Variants in ZXDC observed in about 807,000 individuals in gnomAD.
ZXDC encodes the protein zinc finger protein ZXDC.
In ZXDC, 58 loss-of-function variants were observed where a neutral mutation model predicts 63.6. That is an observed-to-expected ratio of 0.91 (90% CI 0.74 to 1.13). ZXDC has a LOEUF of 1.13. ZXDC is among the 50% of genes most tolerant of loss of function. The probability of loss-of-function intolerance (pLI) is 0.00; values close to 1 mark genes in which losing one functional copy is unlikely to be tolerated. For synonymous variants in ZXDC, 561 were observed against 496.1 expected (o/e 1.13, Z -1.74); for missense variants, 1,133 against 1,148.9 (o/e 0.99, Z 0.20).
At chr3:126,458,857 C>G (rs1934410608) in intron 7 of ZXDC, 3 of 985,300 alleles carry the variant, frequency 3.0e-6, no homozygotes, top group Admixed American at 6.1e-5. Flanking sequence ...ACAATTCACA[C>G]TGATGCATAC....
Position 126,438,426 on chromosome 3 carries a change from CG to C in ZXDC, c.2525del (p.Pro842ArgfsTer31). 6.2e-7 allele frequency: 1 copy of C among 1,613,910 alleles called. No individual in the cohort carries two copies. The highest frequency in any genetic ancestry group is 8.5e-7 in the Non-Finnish European group (1 of 1,179,948). Reference sequence around the variant, plus strand: ...TGCTTCCTGGGAACTGGGTGGCCTCCGGTCCAGCAGGGCCTCCAGATGAGGG... The same window carrying C: ...TGCTTCCTGGGAACTGGGTGGCCTCCGTCCAGCAGGGCCTCCAGATGAGGG... The part of the protein sequence containing the change: ...VLPSSGGPAG[P>X]EATQFPGSTI... On this transcript the variant is annotated frameshift_variant, in exon 10 of 10. Coordinates refer to ENST00000389709, the MANE Select transcript of ZXDC (RefSeq NM_025112.5). LOFTEE classifies it low-confidence loss of function (END_TRUNC).
rs150889687 is a variant in ZXDC, at chr3:126,470,784, T to A, written c.1270+111A>T. ...AGTAAACATAATGCTGCAACTTATA[T>A]TGAGTCAGTCTTTAAGCAGCTAACA... On this transcript the variant is annotated intron_variant, in intron 4 of 9. Coordinates refer to ENST00000389709, the MANE Select transcript of ZXDC (RefSeq NM_025112.5). The A allele has an allele frequency of 1.0e-5, 15 of 1,450,404 alleles. No individual in the cohort carries two copies. The African/African-American group carries it at 1.7e-4, about 16-fold the overall frequency. 89.8% of individuals were successfully genotyped at this position (1,450,404 alleles called of 1,614,324 possible).
chr3:126,471,157 A>G (rs1934966117), intron 3 of ZXDC, 132 bp from the exon 4 acceptor site: 3 of 1,304,968 alleles, frequency 2.3e-6, no homozygotes, highest in Non-Finnish European at 3.1e-6. Context: ...GAAAATCTTA[A>G]TTCTGTCTTT....
intron 7 of ZXDC, chr3:126,453,230 T>C: frequency 1.0e-6 from 1 of 985,330 alleles, no homozygotes; most frequent in Admixed American, 6.1e-5. Flanking sequence ...ACATGATATC[T>C]GTTTATCTCT....
chr3:126,454,656 TTC>T, intron 7 of ZXDC: 1 of 985,454 alleles, frequency 1.0e-6, no homozygotes, highest in South Asian at 4.7e-5. Flanking sequence ...ACCCTTGGTT[TTC>T]TGTCACAATG....
At chr3:126,440,351 G>A (rs1933630229) in intron 8 of ZXDC, 2 of 986,506 alleles carry the variant, frequency 2.0e-6, no homozygotes, top group South Asian at 4.7e-5. Flanking sequence ...TGTTTGAGAA[G>A]CTCCTGTGTG....
At chr3:126,439,836 C>T (rs1933611613) in intron 8 of ZXDC, 109 bp from the exon 9 acceptor site, 1 of 1,459,216 alleles carries the variant, frequency 6.9e-7, no homozygotes, top group Admixed American at 2.5e-5. Flanking sequence ...AGAACCAGCC[C>T]ACCCCCTGTA....
intron 1 of ZXDC, among the ~76,000 whole-genome samples, chr3:126,473,488 A>G (rs1935053711): frequency 6.6e-6 from 1 of 152,180 alleles, no homozygotes; most frequent in South Asian, 2.1e-4. Context: ...AAAACCCTCA[A>G]GAGACCTCAT....
At chr3:126,461,429 T>C in intron 6 of ZXDC, 106 bp downstream of exon 6, 3 of 1,452,076 alleles carry the variant, frequency 2.1e-6, no homozygotes, top group South Asian at 1.5e-5. Context: ...TGCGTCCTTT[T>C]GTAAACCAGA....
At chr3:126,452,030 A>T (rs1345122083) in intron 7 of ZXDC, 1 of 985,038 alleles carries the variant, frequency 1.0e-6, no homozygotes, top group African/African-American at 1.8e-5. Context: ...ATGGAATTCT[A>T]ATATTTTTTT....
intron 7 of ZXDC, among the ~76,000 whole-genome samples, chr3:126,443,625 T>A (rs1021599053): frequency 6.6e-6 from 1 of 152,056 alleles, no homozygotes; most frequent in Non-Finnish European, 1.5e-5. Context: ...AAAAAAAAAG[T>A]CAACTGCAAA....
intron 7 of ZXDC, among the ~76,000 whole-genome samples, chr3:126,456,930 T>G (rs1560096582): frequency 6.6e-6 from 1 of 152,172 alleles, no homozygotes; most frequent in Non-Finnish European, 1.5e-5. Context: ...AGGGAGGATG[T>G]GTGGGGAGGG....
At chr3:126,446,629 G>A (rs1361992112) in intron 7 of ZXDC, among the ~76,000 whole-genome samples, 1 of 152,174 alleles carries the variant, frequency 6.6e-6, no homozygotes, top group East Asian at 1.9e-4. Context: ...CACTTGAACA[G>A]GAGGTAAGTG....
intron 7 of ZXDC, chr3:126,442,181 A>AT (rs910226137): frequency 7.2e-6 from 3 of 415,904 alleles, no homozygotes; most frequent in Admixed American, 9.4e-5. Context: ...CATCATACGT[A>AT]TTTTTTTGCC....
chr3:126,475,598 CCTCGGCGGCAGCGCCGCCGTG>C lies in ZXDC; in HGVS notation c.247_267del (p.His83_Glu89del). 6.8e-7 allele frequency: 1 copy of C among 1,468,858 alleles called. No individual in the cohort carries two copies. Among genetic ancestry groups the C allele is most frequent in the Non-Finnish European group, 9.0e-7 (1 of 1,108,206 alleles). 91.0% of individuals were successfully genotyped at this position (1,468,858 alleles called of 1,614,324 possible). On this transcript the variant is annotated inframe_deletion, in exon 1 of 10. Transcript: ENST00000389709. ...GGCTCGGCCTCCTGTGATCCGGCAGCCTCGGCGGCAGCGCCGCCGTGCGGCACTTCCAGCAGCACCAAGAAA... is the reference window on the plus strand; with the variant it reads ...GGCTCGGCCTCCTGTGATCCGGCAGCCGGCACTTCCAGCAGCACCAAGAAA...
chr3:126,441,287 G>A, intron 8 of ZXDC: 4 of 989,722 alleles, frequency 4.0e-6, no homozygotes, highest in Non-Finnish European at 4.8e-6. Context: ...GAAAAACACT[G>A]AAAAGACCCC....
chr3:126,461,628 G>A lies in ZXDC; in HGVS notation c.2034C>T (p.Ser678=). 6.2e-7 allele frequency: 1 copy of A among 1,614,028 alleles called. No homozygotes were observed. The highest frequency in any genetic ancestry group is 8.5e-7 in the Non-Finnish European group (1 of 1,180,012). Residue 678 remains serine (S), a synonymous_variant, in exon 6 of 10, where the codon AGC becomes AGT. Transcript: ENST00000389709. ...GCAACGTGGACTGGGGCAGCCCATG[G>A]CTTCCTTCCTGCTGCCCAACTGCTC... The part of the protein sequence containing the change: ...RPGAVGQQEG[S]HGLPQSTLPS...
At position 126,461,927 on chromosome 3, in the gene ZXDC, C is replaced by G; in HGVS notation, c.1735G>C (p.Asp579His). The change falls in exon 6 of 10, where the codon GAC (aspartate) becomes CAC (histidine). Residue 579 changes from aspartate to histidine, a missense_variant. Asp to His is a moderately conservative substitution (Grantham distance 81). Transcript: ENST00000389709. ...VAHSDIPPSL[D>H]SPLVLGTAAT... Reference sequence around the variant, plus strand: ...GCTGTCCCGAGAACCAGAGGGCTGTCCAGGCTTGGGGGAATATCACTGTGG... The same window carrying G: ...GCTGTCCCGAGAACCAGAGGGCTGTGCAGGCTTGGGGGAATATCACTGTGG... 1 of 1,614,142 alleles carries G rather than the reference C, an allele frequency of 6.2e-7. No individual in the cohort carries two copies. The highest frequency in any genetic ancestry group is 1.1e-5 in the South Asian group (1 of 91,078).
intron 7 of ZXDC, among the ~76,000 whole-genome samples, chr3:126,446,769 G>C (rs556306656): frequency 6.6e-6 from 1 of 152,252 alleles, no homozygotes; most frequent in East Asian, 1.9e-4. Flanking sequence ...TATCCACAAG[G>C]AAAAATATTC....
Sources: gnomAD v4.1 joint callset for allele counts (sites outside exome capture counted in the v4.1 genomes callset) on GRCh38, gnomAD v4.1.1 for gene constraint, MANE v1.5 for transcripts, NCBI Gene and HGNC (gene_info 2026-07-23, HGNC 2026-07-21) for gene names.